The following KLHL30 variants were observed in gnomAD, a reference collection of about 807,000 sequenced individuals.
The protein encoded by KLHL30 is kelch-like protein 30.
In KLHL30, 55 loss-of-function variants were observed where a neutral mutation model predicts 55.0. That is an observed-to-expected ratio of 1.00 (90% CI 0.80 to 1.25). The LOEUF (loss-of-function observed/expected upper bound fraction) is 1.25. Ranked by LOEUF, KLHL30 falls within the 50% of genes most tolerant of loss-of-function variation. KLHL30 has a pLI of 0.00. For missense variants in KLHL30, 786 were observed against 811.6 expected (o/e 0.97, Z 0.38); for synonymous variants, 356 against 372.6 (o/e 0.96, Z 0.51).
chr2:238,147,969 C>T lies in KLHL30; in HGVS notation c.1286C>T (p.Ser429Phe). 1 of 1,562,994 alleles carries T rather than the reference C, an allele frequency of 6.4e-7. No homozygotes were observed. The highest frequency in any genetic ancestry group is 8.7e-7 in the Non-Finnish European group (1 of 1,155,380). The change falls in exon 6 of 8, where the codon TCC becomes TTC. Residue 429 changes from serine (S) to phenylalanine (F), a missense_variant. Coordinates refer to ENST00000409223, the MANE Select transcript of KLHL30 (RefSeq NM_198582.4). The surrounding 1 kb of genome is among the most constrained non-coding windows in gnomAD (Gnocchi z 5.8). ...GCRGRLYLVGSSACKYNALAL... is the reference protein window; with the variant it reads ...GCRGRLYLVGFSACKYNALAL... ...CGGGGCCGGCTCTACCTGGTGGGCT[C>T]CAGCGCCTGCAAGTACAACGCCCTG...
In KLHL30 at chr2:238,151,174, C is replaced by A. The variant is rs530826921; in HGVS notation, c.*109C>A. Reference sequence around the variant, plus strand: ...TGTTCACTCGGAGCTACCATTCCTTCCAAGCTGCGCTCAGGCCACCAGGGG... The same window carrying A: ...TGTTCACTCGGAGCTACCATTCCTTACAAGCTGCGCTCAGGCCACCAGGGG... On this transcript the variant is annotated 3_prime_UTR_variant, in exon 8 of 8. Coordinates refer to ENST00000409223, the MANE Select transcript of KLHL30 (RefSeq NM_198582.4). 7.0e-7 allele frequency: 1 copy of A among 1,429,856 alleles called. No homozygotes were observed. Among genetic ancestry groups the A allele is most frequent in the South Asian group, 1.4e-5 (1 of 71,802 alleles). 88.6% of individuals were successfully genotyped at this position (1,429,856 alleles called of 1,614,324 possible). A position where few individuals can be genotyped will look rare whatever the true frequency, so the allele number is the denominator to read the frequency against.
At chr2:238,144,432 A>AAGGAATGAAGGAAGGC (rs1692608040) in intron 3 of KLHL30, among the ~76,000 whole-genome samples, 5 of 82,454 alleles carry the variant, frequency 6.1e-5, no homozygotes, top group Non-Finnish European at 1.0e-4. Flanking sequence ...GGAAGGAAGG[A>AAGGAATGAAGGAAGGC]AGGCAGGCAG....
rs757084119 is a variant in KLHL30, at chr2:238,145,705, C to G, written c.1023C>G (p.Thr341=). 1.3e-6 allele frequency: 2 copies of G among 1,586,336 alleles called. No individual in the cohort carries two copies. Among genetic ancestry groups the G allele is most frequent in the Admixed American group, 1.8e-5 (1 of 56,156 alleles). ...TGGSRGTKTD[T]WSTTQAWCFP... ...GCTCTCGGGGCACAAAGACAGACAC[C>G]TGGTCAACCACCCAGGCCTGGTGCT... Residue 341 remains threonine, a synonymous_variant, in exon 5 of 8, where the codon ACC becomes ACG. Transcript: ENST00000409223.
At chr2:238,142,674 C>T in intron 2 of KLHL30, 125 bp from the exon 3 acceptor site, 4 of 969,802 alleles carry the variant, frequency 4.1e-6, no homozygotes, top group Non-Finnish European at 5.5e-6. Context: ...CACTCGGGCA[C>T]ACGCCATCTC....
rs1024505792 is a variant in KLHL30, at chr2:238,149,144, T to G, written c.1477T>G (p.Trp493Gly). The G allele has an allele frequency of 6.2e-7, 1 of 1,612,612 alleles. No homozygotes were observed. The highest frequency in any genetic ancestry group is 1.3e-5 in the African/African-American group (1 of 75,040). Residue 493 changes from tryptophan (W) to glycine (G), a missense_variant, in exon 7 of 8, where the codon TGG becomes GGG. Transcript: ENST00000409223. ...CGTGTACGACCCCGGGGCCAACCTG[T>G]GGCAGAAGGTGGGCCGCCCCCTCCC... ...VYVYDPGANL[W>G]QKVQSQHSLH...
At position 238,141,528 on chromosome 2, in the gene KLHL30, G is replaced by A. The variant is rs745931659; in HGVS notation, c.774G>A (p.Gly258=). 7.6e-6 allele frequency: 11 copies of A among 1,440,204 alleles called. No individual in the cohort carries two copies. The highest frequency in any genetic ancestry group is 1.0e-5 in the Non-Finnish European group (11 of 1,101,592). The allele number at this position is 1,440,204 out of a possible 1,614,324, so 89.2% of individuals were successfully genotyped here. A position where few individuals can be genotyped will look rare whatever the true frequency, so the allele number is the denominator to read the frequency against. The change falls in exon 2 of 8, where the codon GGG becomes GGA. Residue 258 remains glycine, a splice_region_variant and synonymous_variant. Coordinates refer to ENST00000409223, the MANE Select transcript of KLHL30 (RefSeq NM_198582.4). ...CAGCCCTGTCCCAGGGCCATGATGG[G>A]GTGAGTGAGCGGCTGGGAGGCCCCA... ...CRAALSQGHD[G]APLALQQKLE...
At position 238,151,018 on chromosome 2, in the gene KLHL30, GATGTC is replaced by G; in HGVS notation, c.1691_1695del (p.Asp564ValfsTer60). ...CCACGGGGCCTCCACCGTCTTCCTG[GATGTC>G]TCCAAGTGGACCCAGCCCTCCGGCC... On this transcript the variant is annotated frameshift_variant, in exon 8 of 8. Coordinates refer to ENST00000409223, the MANE Select transcript of KLHL30 (RefSeq NM_198582.4). LOFTEE classifies it high-confidence loss of function. 6.3e-7 allele frequency: 1 copy of G among 1,593,006 alleles called. No individual in the cohort carries two copies. Among genetic ancestry groups the G allele is most frequent in the Non-Finnish European group, 8.5e-7 (1 of 1,171,036 alleles).
Position 238,150,885 on chromosome 2 carries a change from CG to C in KLHL30, c.1559del (p.Gly520AlafsTer190), listed in dbSNP as rs1488245239. The stretch of plus-strand genomic sequence containing the variant: ...TGGGTGATGCGCTGTACGTGACGGG[CG>C]GCCGCTGGCAGGGCATGGAAGGTGA... The part of the protein sequence containing the change: ...PLGDALYVTG[G>X]RWQGMEGDYH... On this transcript the variant is annotated frameshift_variant, in exon 8 of 8. Transcript: ENST00000409223. LOFTEE classifies it high-confidence loss of function. The C allele has an allele frequency of 6.3e-7, 1 of 1,597,994 alleles. No individual in the cohort carries two copies. Among genetic ancestry groups the C allele is most frequent in the Non-Finnish European group, 8.5e-7 (1 of 1,173,726 alleles).
rs79545952 is a variant in KLHL30, at chr2:238,139,969, C to T, written c.-70-716C>T. On this transcript the variant is annotated intron_variant, in intron 1 of 7. Coordinates refer to ENST00000409223, the MANE Select transcript of KLHL30 (RefSeq NM_198582.4). ...TGGTGACGCGAAACCCTCCAGAACG[C>T]TGCCTTTGGCTGGCCGTTTCTGTTT... 8.7e-3 allele frequency among the ~76,000 whole-genome samples: 1,325 copies of T among 152,354 alleles called. 8 individuals carry two copies. Among genetic ancestry groups the T allele is most frequent in the Non-Finnish European group, 0.013 (888 of 68,028 alleles).
intron 7 of KLHL30, among the ~76,000 whole-genome samples, chr2:238,150,370 G>A (rs73102356): frequency 0.012 from 1,883 of 152,280 alleles, 34 homozygotes; most frequent in African/African-American, 0.043. Context: ...CCCTCCCAGG[G>A]GCACTCCCAA....
intron 7 of KLHL30, 50 bp from the exon 8 acceptor site, chr2:238,150,764 C>T (rs772259240): frequency 1.3e-6 from 2 of 1,528,458 alleles, no homozygotes; most frequent in Admixed American, 2.0e-5. Context: ...ACCCTCAGCC[C>T]TGCTCTCCAG....
chr2:238,143,340 G>T (rs1692577383), intron 3 of KLHL30, among the ~76,000 whole-genome samples: 1 of 152,242 alleles, frequency 6.6e-6, no homozygotes, highest in Non-Finnish European at 1.5e-5. Flanking sequence ...GTGAAGGGGT[G>T]CAGGCAGCTG....
chr2:238,152,187 C>T lies in KLHL30; in HGVS notation c.*1122C>T. 1.0e-6 allele frequency: 1 copy of T among 985,360 alleles called. No homozygotes were observed. Among genetic ancestry groups the T allele is most frequent in the Non-Finnish European group, 1.2e-6 (1 of 830,000 alleles). The allele number at this position is 985,360 out of a possible 1,614,324, so 61.0% of individuals were successfully genotyped here. ...GGCCCTGGGCAGCTCCGGTCTCCCG[C>T]CGGATCCAGGCTTCCTCTCCAGGAC... On this transcript the variant is annotated 3_prime_UTR_variant, in exon 8 of 8. Coordinates refer to ENST00000409223, the MANE Select transcript of KLHL30 (RefSeq NM_198582.4).
At chr2:238,141,754 G>A (rs1333481733) in intron 2 of KLHL30, among the ~76,000 whole-genome samples, 1 of 152,264 alleles carries the variant, frequency 6.6e-6, no homozygotes, top group Non-Finnish European at 1.5e-5. Context: ...GCAGGGGAAT[G>A]TGGAAGTGGT....
chr2:238,146,103 A>G (rs1692643762), intron 5 of KLHL30, among the ~76,000 whole-genome samples: 1 of 152,096 alleles, frequency 6.6e-6, no homozygotes, highest in Non-Finnish European at 1.5e-5. Flanking sequence ...ATGGTGACTC[A>G]GGCCCCAGGA....
At chr2:238,149,380 G>A (rs1451438296) in intron 7 of KLHL30, among the ~76,000 whole-genome samples, 3 of 151,612 alleles carry the variant, frequency 2.0e-5, no homozygotes, top group African/African-American at 4.9e-5. Flanking sequence ...TGCCCACAGA[G>A]GGCCCACAAT....
intron 1 of KLHL30, among the ~76,000 whole-genome samples, chr2:238,140,299 G>A (rs1692508082): frequency 6.6e-6 from 1 of 152,244 alleles, no homozygotes; most frequent in Non-Finnish European, 1.5e-5. Context: ...CCAGCAATGT[G>A]GGATCTGGGA....
In KLHL30 at chr2:238,148,033, C is replaced by A; in HGVS notation, c.1339+11C>A. ...ACAACCCTGTCACAGGTGGGTGGGG[C>A]TCAGGGACCGAGGATAGAGGACCAC... is the stretch of plus-strand genomic sequence containing the variant. On this transcript the variant is annotated intron_variant, in intron 6 of 7. Transcript: ENST00000409223. 1 of 1,402,784 alleles carries A rather than the reference C, an allele frequency of 7.1e-7. No homozygotes were observed. 86.9% of individuals were successfully genotyped at this position (1,402,784 alleles called of 1,614,324 possible).
intron 7 of KLHL30, among the ~76,000 whole-genome samples, 155 bp from the exon 8 acceptor site, chr2:238,150,649 GGGGCTGCGGT>G (rs1692736920): frequency 1.3e-5 from 2 of 152,202 alleles, no homozygotes; most frequent in Non-Finnish European, 2.9e-5. Flanking sequence ...GGAGGCTGGA[GGGGCTGCGGT>G]GGGCTGCCCA....
Sources: gnomAD v4.1 joint callset for allele counts (sites outside exome capture counted in the v4.1 genomes callset) on GRCh38, gnomAD v4.1.1 for gene constraint, Gnocchi (gnomAD v3.1) non-coding constraint, MANE v1.5 for transcripts, NCBI Gene and HGNC (gene_info 2026-07-23, HGNC 2026-07-21) for gene names.